Variants in P3H3 observed in about 807,000 individuals in gnomAD.
P3H3 encodes the protein prolyl 3-hydroxylase 3, also known as gene rich cluster, B.
Under a neutral mutation model 78.1 loss-of-function variants are expected in P3H3, and 64 were observed. The ratio of observed to expected loss-of-function variants is 0.82; its 90% CI spans 0.67 to 1.01. The LOEUF (loss-of-function observed/expected upper bound fraction) is 1.01, where lower values mean the gene tolerates loss of function less well. Among genes scored for constraint, P3H3 ranks in the 50% least tolerant of loss-of-function variants. P3H3 has a pLI of 0.00. For missense variants in P3H3, 975 were observed against 982.2 expected (o/e 0.99, Z 0.10); for synonymous variants, 425 against 416.7 (o/e 1.02, Z -0.24).
chr12:6,830,008 C>T lies in P3H3; in HGVS notation c.648C>T (p.His216=). The change falls in exon 2 of 15, where the codon CAC becomes CAT. Residue 216 remains histidine (H), a synonymous_variant. Transcript: ENST00000290510. ...QSFRDLETPP[H]WAAYDTGLEL... ...TCCGGGACCTGGAGACGCCCCCACACTGGGTGAGAATCCCAGCACCACCCC... is the reference window on the plus strand; with the variant it reads ...TCCGGGACCTGGAGACGCCCCCACATTGGGTGAGAATCCCAGCACCACCCC... The T allele has an allele frequency of 6.2e-7, 1 of 1,613,852 alleles. No individual in the cohort carries two copies. The highest frequency in any genetic ancestry group is 1.1e-5 in the South Asian group (1 of 91,088).
intron 9 of P3H3, among the ~76,000 whole-genome samples, 156 bp from the exon 10 acceptor site, chr12:6,836,829 G>A (rs1464886456): frequency 6.6e-6 from 1 of 152,220 alleles, no homozygotes; most frequent in African/African-American, 2.4e-5. Flanking sequence ...GGCACTCTCT[G>A]GGAAAGAGCA....
In P3H3 at chr12:6,831,195, ACCTTGTCGCTC is replaced by A; in HGVS notation, c.986-17_986-7del. The stretch of plus-strand genomic sequence containing the variant: ...CTAAGTATTCATCCCCCAACCCCTG[ACCTTGTCGCTC>A]CCTCTCCAGTGGGCAATCTGTCCCA... On this transcript the variant is annotated splice_polypyrimidine_tract_variant and intron_variant, in intron 4 of 14. Coordinates refer to ENST00000290510, the MANE Select transcript of P3H3 (RefSeq NM_014262.5). This position sits in a 1 kb window ranked among gnomAD's most constrained non-coding sequence, Gnocchi z 4.6. 2 of 1,613,534 alleles carry A rather than the reference ACCTTGTCGCTC, an allele frequency of 1.2e-6. No individual in the cohort carries two copies. The highest frequency in any genetic ancestry group is 1.1e-5 in the South Asian group (1 of 91,062).
At position 6,837,801 on chromosome 12, in the gene P3H3, C is replaced by T. The variant is rs782176970; in HGVS notation, c.1781C>T (p.Thr594Met). ...HADNCVLDPD[T>M]GECWREPPAY... ...GACAACTGCGTCCTGGACCCTGACACGGGAGAGTGCTGGCGGGAGCCCCCA... is the reference window on the plus strand; with the variant it reads ...GACAACTGCGTCCTGGACCCTGACATGGGAGAGTGCTGGCGGGAGCCCCCA... The change falls in exon 12 of 15, where the codon ACG becomes ATG. Residue 594 changes from threonine (T) to methionine (M), a missense_variant. By Grantham distance (81) the Thr-to-Met change is moderately conservative. Coordinates refer to ENST00000290510, the MANE Select transcript of P3H3 (RefSeq NM_014262.5). 7.4e-6 allele frequency: 12 copies of T among 1,613,170 alleles called. No individual in the cohort carries two copies. Among genetic ancestry groups the T allele is most frequent in the East Asian group, 2.2e-5 (1 of 44,872 alleles).
At chr12:6,836,060 T>A (rs782778759) in intron 9 of P3H3, among the ~76,000 whole-genome samples, 2 of 152,078 alleles carry the variant, frequency 1.3e-5, no homozygotes, top group African/African-American at 4.8e-5. Context: ...ACCCCGTCTC[T>A]ACAAAAATAC....
intron 9 of P3H3, chr12:6,835,061 T>C (rs1324924661): frequency 2.0e-5 from 3 of 152,094 alleles, no homozygotes; most frequent in African/African-American, 7.3e-5. Flanking sequence ...GGGGGTGGAA[T>C]CAGTCTAAGA....
Position 6,833,603 on chromosome 12 carries a change from C to T in P3H3, c.1224C>T (p.Thr408=), listed in dbSNP as rs1555121706. The change falls in exon 7 of 15, where the codon ACC becomes ACT. Residue 408 remains threonine (T), a synonymous_variant. Transcript: ENST00000290510. ...GTSFKDPDPW[T]PAALIPEALR... is the part of the protein sequence containing the mutation. ...CTGGACTGTCGCAGGACCCCTGGAC[C>T]CCTGCAGCTCTCATCCCTGAGGCAC... 6.2e-7 allele frequency: 1 copy of T among 1,613,840 alleles called. No homozygotes were observed. The highest frequency in any genetic ancestry group is 8.5e-7 in the Non-Finnish European group (1 of 1,179,826).
At position 6,829,500 on chromosome 12, in the gene P3H3, C is replaced by A. The variant is rs1943424506; in HGVS notation, c.499-359C>A. On this transcript the variant is annotated intron_variant, in intron 1 of 14. Transcript: ENST00000290510. This position sits in a 1 kb window ranked among gnomAD's most constrained non-coding sequence, Gnocchi z 5.1. ...GGTTGTACTCACCTCAGCTCAGGGTCCTAGAGACCTGCGGGTTTTGCTGGT... is the reference window on the plus strand; with the variant it reads ...GGTTGTACTCACCTCAGCTCAGGGTACTAGAGACCTGCGGGTTTTGCTGGT... 1 of 329,886 alleles carries A rather than the reference C, an allele frequency of 3.0e-6. No individual in the cohort carries two copies. The highest frequency in any genetic ancestry group is 5.7e-6 in the Non-Finnish European group (1 of 176,062). The allele number at this position is 329,886 out of a possible 1,614,324, so 20.4% of individuals were successfully genotyped here. A position where few individuals can be genotyped will look rare whatever the true frequency, so the allele number is the denominator to read the frequency against.
intron 9 of P3H3, among the ~76,000 whole-genome samples, chr12:6,836,161 G>T (rs1943493777): frequency 6.6e-6 from 1 of 150,576 alleles, no homozygotes. Context: ...GGTGGAGATT[G>T]CAGTGAGCTA....
At chr12:6,832,084 G>T (rs1555121556) in intron 6 of P3H3, among the ~76,000 whole-genome samples, 170 bp downstream of exon 6, 3 of 152,180 alleles carry the variant, frequency 2.0e-5, no homozygotes, top group African/African-American at 7.2e-5. Context: ...CGGCTTTGGG[G>T]TCACGCAGGC....
At position 6,829,963 on chromosome 12, in the gene P3H3, G is replaced by A; in HGVS notation, c.603G>A (p.Ser201=). 8.1e-6 allele frequency: 13 copies of A among 1,613,986 alleles called. No homozygotes were observed. The highest frequency in any genetic ancestry group is 1.1e-5 in the Non-Finnish European group (13 of 1,179,882). ...REDMAKYRRM[S]GVRPQSFRDL... ...ACATGGCTAAGTACAGACGAATGTC[G>A]GGAGTTCGGCCCCAGAGCTTCCGGG... The change falls in exon 2 of 15, where the codon TCG becomes TCA. Residue 201 remains serine, a synonymous_variant. Transcript: ENST00000290510. This position sits in a 1 kb window ranked among gnomAD's most constrained non-coding sequence, Gnocchi z 5.1.
Position 6,831,453 on chromosome 12 carries a change from G to A in P3H3, c.1122+101G>A. 1 of 1,498,832 alleles carries A rather than the reference G, an allele frequency of 6.7e-7. No homozygotes were observed. The allele number at this position is 1,498,832 out of a possible 1,614,324, so 92.8% of individuals were successfully genotyped here. ...CACCCCCCGCTGGCCTCTTACCCGA[G>A]CACTCTAGTCACCCAAAGGACTCCA... is the stretch of plus-strand genomic sequence containing the variant. On this transcript the variant is annotated intron_variant, in intron 5 of 14. Coordinates refer to ENST00000290510, the MANE Select transcript of P3H3 (RefSeq NM_014262.5). The surrounding 1 kb of genome is among the most constrained non-coding windows in gnomAD (Gnocchi z 4.6).
At chr12:6,833,338 G>A (rs782145668) in intron 6 of P3H3, 1 of 533,324 alleles carries the variant, frequency 1.9e-6, no homozygotes, top group African/African-American at 1.9e-5. Flanking sequence ...AACTTTAAAG[G>A]ATAAATTCCA....
chr12:6,833,735 C>A lies in P3H3; in HGVS notation c.1266-7C>A, dbSNP rs1943470509. 6.3e-7 allele frequency: 1 copy of A among 1,597,788 alleles called. No homozygotes were observed. The highest frequency in any genetic ancestry group is 8.6e-7 in the Non-Finnish European group (1 of 1,165,196). On this transcript the variant is annotated splice_polypyrimidine_tract_variant and splice_region_variant and intron_variant, in intron 7 of 14. Transcript: ENST00000290510. Reference sequence around the variant, plus strand: ...GGCACCCACTGAGCGCATCTCTCACCCCTGAGAGAGGATCAAGAGAAGAGG... The same window carrying A: ...GGCACCCACTGAGCGCATCTCTCACACCTGAGAGAGGATCAAGAGAAGAGG...
Position 6,829,095 on chromosome 12 carries a change from C to T in P3H3, c.498+157C>T. 2.3e-6 allele frequency: 1 copy of T among 428,784 alleles called. No homozygotes were observed. Among genetic ancestry groups the T allele is most frequent in the Non-Finnish European group, 3.9e-6 (1 of 254,892 alleles). 26.6% of individuals were successfully genotyped at this position (428,784 alleles called of 1,614,324 possible). A position where few individuals can be genotyped will look rare whatever the true frequency, so the allele number is the denominator to read the frequency against. On this transcript the variant is annotated intron_variant, in intron 1 of 14. Transcript: ENST00000290510. This position sits in a 1 kb window ranked among gnomAD's most constrained non-coding sequence, Gnocchi z 5.1. ...TCTGCGTAGGAGCTGGCTAAGCGACCGCGAGGACCTCTTGAGATCGCAGAG... is the reference window on the plus strand; with the variant it reads ...TCTGCGTAGGAGCTGGCTAAGCGACTGCGAGGACCTCTTGAGATCGCAGAG...
Position 6,830,013 on chromosome 12 carries a change from T to C in P3H3, c.651+2T>C. 1 of 1,613,638 alleles carries C rather than the reference T, an allele frequency of 6.2e-7. No individual in the cohort carries two copies. The highest frequency in any genetic ancestry group is 8.5e-7 in the Non-Finnish European group (1 of 1,179,774). On this transcript the variant is annotated splice_donor_variant, in intron 2 of 14. Transcript: ENST00000290510. LOFTEE classifies it high-confidence loss of function. Reference sequence around the variant, plus strand: ...GACCTGGAGACGCCCCCACACTGGGTGAGAATCCCAGCACCACCCCTGTCT... The same window carrying C: ...GACCTGGAGACGCCCCCACACTGGGCGAGAATCCCAGCACCACCCCTGTCT...
At position 6,830,615 on chromosome 12, in the gene P3H3, A is replaced by T. The variant is rs140838938; in HGVS notation, c.854-24A>T. Reference sequence around the variant, plus strand: ...CCAGGGAGGGGCATGAACAAGCTGAATGGCTTATGGGTTTCCTCTGCAGGA... The same window carrying T: ...CCAGGGAGGGGCATGAACAAGCTGATTGGCTTATGGGTTTCCTCTGCAGGA... On this transcript the variant is annotated intron_variant, in intron 3 of 14. Coordinates refer to ENST00000290510, the MANE Select transcript of P3H3 (RefSeq NM_014262.5). 7.9e-4 allele frequency: 1,266 copies of T among 1,601,578 alleles called. 11 individuals carry two copies. In the African/African-American group the frequency reaches 0.015, roughly 19 times the overall value.
In P3H3 at chr12:6,837,016, A is replaced by C. The variant is rs782797848; in HGVS notation, c.1490A>C (p.Tyr497Ser). 2.5e-6 allele frequency: 4 copies of C among 1,610,110 alleles called. No homozygotes were observed. In the African/African-American group the frequency reaches 5.3e-5, roughly 21 times the overall value. Residue 497 changes from tyrosine (Y) to serine (S), a missense_variant, in exon 10 of 15, where the codon TAT (tyrosine) becomes TCT (serine). By Grantham distance (144) the Tyr-to-Ser change is moderately radical (BLOSUM62 -2). Coordinates refer to ENST00000290510, the MANE Select transcript of P3H3 (RefSeq NM_014262.5). ...GCTGGGGCTGGAGCCAGGTCTGGCT[A>C]TCGTGGTCGCCGCTCCCCTCACACC... The part of the protein sequence containing the change: ...DAAGAGARSG[Y>S]RGRRSPHTPH...
At position 6,839,557 on chromosome 12, in the gene P3H3, G is replaced by A; in HGVS notation, c.*96G>A. ...AGGAAGCCCCTGTGTGACATCAGGA[G>A]CAGAACAGCAAGCTCTCTGTCCCTG... is the stretch of plus-strand genomic sequence containing the variant. On this transcript the variant is annotated 3_prime_UTR_variant, in exon 15 of 15. Transcript: ENST00000290510. 1 of 1,393,874 alleles carries A rather than the reference G, an allele frequency of 7.2e-7. No homozygotes were observed. Among genetic ancestry groups the A allele is most frequent in the East Asian group, 2.5e-5 (1 of 40,050 alleles). The allele number at this position is 1,393,874 out of a possible 1,614,324, so 86.3% of individuals were successfully genotyped here.
Position 6,828,772 on chromosome 12 carries a change from A to G in P3H3, c.332A>G (p.Glu111Gly). The G allele has an allele frequency of 8.1e-7, 1 of 1,241,990 alleles. No individual in the cohort carries two copies. Among genetic ancestry groups the G allele is most frequent in the Non-Finnish European group, 1.0e-6 (1 of 993,006 alleles). The allele number at this position is 1,241,990 out of a possible 1,614,324, so 76.9% of individuals were successfully genotyped here. A position where few individuals can be genotyped will look rare whatever the true frequency, so the allele number is the denominator to read the frequency against. ...CCGGGACCCACGCAGGGGTCCTGGG[A>G]GCGACAGCTTCTCCGTGCAGCGCTC... ...SGPGPTQGSW[E>G]RQLLRAALRR... is the part of the protein sequence containing the mutation. The change falls in exon 1 of 15, where the codon GAG becomes GGG. Residue 111 changes from glutamate (E) to glycine (G), a missense_variant. Transcript: ENST00000290510.
Sources: allele counts gnomAD v4.1 joint callset (sites outside exome capture counted in the v4.1 genomes callset), GRCh38; gene constraint gnomAD v4.1.1; non-coding constraint Gnocchi (gnomAD v3.1); transcripts MANE v1.5; gene names NCBI Gene and HGNC (gene_info 2026-07-23, HGNC 2026-07-21).